EYS: variants seen among roughly 807,000 people sequenced by gnomAD.
EYS encodes the protein EGF-like photoreceptor maintenance factor.
Under a neutral mutation model 282.1 loss-of-function variants are expected in EYS, and 250 were observed. The ratio of observed to expected loss-of-function variants is 0.89; its 90% CI spans 0.80 to 0.98. The LOEUF (loss-of-function observed/expected upper bound fraction) is 0.98, where lower values mean the gene tolerates loss of function less well. Ranked by LOEUF, EYS falls within the 50% of genes least tolerant of loss-of-function variation. The probability of loss-of-function intolerance (pLI) is 0.00; values close to 1 mark genes in which losing one functional copy is unlikely to be tolerated. For missense variants in EYS, 4,016 were observed against 3,709.0 expected (o/e 1.08, Z -2.15); for synonymous variants, 1,355 against 1,282.9 (o/e 1.06, Z -1.20).
At chr6:64,705,968 T>A (rs954191925) in intron 22 of EYS, among the ~76,000 whole-genome samples, 5 of 150,960 alleles carry the variant, frequency 3.3e-5, no homozygotes, top group African/African-American at 4.9e-5. Flanking sequence ...ACATGTACCC[T>A]AAAACTTTAA....
chr6:64,500,449 A>T (rs1311912306), intron 26 of EYS, among the ~76,000 whole-genome samples: 1 of 152,154 alleles, frequency 6.6e-6, no homozygotes, highest in Non-Finnish European at 1.5e-5. Flanking sequence ...AGCTGCATTT[A>T]AGCTGACATT....
intron 22 of EYS, among the ~76,000 whole-genome samples, chr6:64,657,252 G>A (rs1413387381): frequency 2.0e-5 from 3 of 152,040 alleles, no homozygotes; most frequent in Non-Finnish European, 4.4e-5. Context: ...GTGTGTCTCT[G>A]CACATGAGAT....
chr6:64,177,163 T>C (rs1764661757), intron 31 of EYS, among the ~76,000 whole-genome samples: 1 of 151,632 alleles, frequency 6.6e-6, no homozygotes, highest in South Asian at 2.1e-4. Flanking sequence ...TCAAAGTTAC[T>C]CTATAACAAC....
intron 2 of EYS, among the ~76,000 whole-genome samples, chr6:65,606,483 T>C (rs1374828966): frequency 6.6e-6 from 1 of 151,880 alleles, no homozygotes; most frequent in African/African-American, 2.4e-5. Flanking sequence ...ATTTAGATTA[T>C]ATCATCATTC....
chr6:64,682,705 A>G (rs1169050777), intron 22 of EYS, among the ~76,000 whole-genome samples: 1 of 152,168 alleles, frequency 6.6e-6, no homozygotes, highest in Non-Finnish European at 1.5e-5. Flanking sequence ...ACAGTCTGTG[A>G]AGTCTTAGGA....
intron 2 of EYS, among the ~76,000 whole-genome samples, chr6:65,626,112 C>A (rs932862895): frequency 3.9e-5 from 6 of 152,090 alleles, no homozygotes; most frequent in Non-Finnish European, 5.9e-5. Flanking sequence ...CTAAGAGGTT[C>A]CACAAATATC....
chr6:64,196,059 G>C (rs1270386328), intron 31 of EYS, among the ~76,000 whole-genome samples: 43 of 151,804 alleles, frequency 2.8e-4, no homozygotes, highest in East Asian at 7.7e-4. Context: ...AAAAAACAAA[G>C]AACCCCATCA....
At chr6:64,863,745 T>G (rs1368271446) in intron 19 of EYS, among the ~76,000 whole-genome samples, 1 of 152,208 alleles carries the variant, frequency 6.6e-6, no homozygotes, top group African/African-American at 2.4e-5. Context: ...GCCATTTATC[T>G]CATAGTTTTC....
intron 5 of EYS, among the ~76,000 whole-genome samples, chr6:65,426,602 T>C (rs1767674049): frequency 6.6e-6 from 1 of 152,078 alleles, no homozygotes; most frequent in Non-Finnish European, 1.5e-5. Flanking sequence ...CTTTTTAAAT[T>C]GCCCTGTTCT....
intron 22 of EYS, among the ~76,000 whole-genome samples, chr6:64,785,976 T>C (rs1224714368): frequency 6.6e-6 from 1 of 152,168 alleles, no homozygotes. Flanking sequence ...AGAATTCCTG[T>C]TGTGTGTATC....
intron 12 of EYS, among the ~76,000 whole-genome samples, chr6:65,263,448 T>A (rs1325219256): frequency 6.6e-6 from 1 of 152,064 alleles, no homozygotes; most frequent in Non-Finnish European, 1.5e-5. Context: ...AGTAATATGA[T>A]AAAGTGTTAT....
intron 12 of EYS, among the ~76,000 whole-genome samples, chr6:65,061,649 C>G (rs892467208): frequency 6.6e-6 from 1 of 151,852 alleles, no homozygotes; most frequent in African/African-American, 2.4e-5. Context: ...CTAACACACA[C>G]ACATACACAC....
chr6:64,220,216 A>G (rs1456364044), intron 31 of EYS, among the ~76,000 whole-genome samples: 1 of 152,096 alleles, frequency 6.6e-6, no homozygotes, highest in East Asian at 1.9e-4. Context: ...TTGAGATAAC[A>G]ATTTTTGGCA....
intron 41 of EYS, among the ~76,000 whole-genome samples, chr6:63,758,524 T>A (rs1185639401): frequency 6.6e-6 from 1 of 152,044 alleles, no homozygotes; most frequent in Non-Finnish European, 1.5e-5. Flanking sequence ...GGAGGCCTCT[T>A]TATTTTATTG....
chr6:65,094,913 A>G (rs1774694819), intron 12 of EYS, among the ~76,000 whole-genome samples: 1 of 151,378 alleles, frequency 6.6e-6, no homozygotes, highest in Non-Finnish European at 1.5e-5. Context: ...TCAACAAAGT[A>G]AAGAGTTGGT....
chr6:63,891,886 CA>C (rs1773417928), intron 35 of EYS, among the ~76,000 whole-genome samples: 1 of 152,188 alleles, frequency 6.6e-6, no homozygotes, highest in South Asian at 2.1e-4. Context: ...AGCAAAATCT[CA>C]GGATACAAAA....
At chr6:65,401,216 T>G (rs1436086337) in intron 7 of EYS, among the ~76,000 whole-genome samples, 2 of 151,790 alleles carry the variant, frequency 1.3e-5, no homozygotes, top group Admixed American at 6.6e-5. Context: ...TATTATTATA[T>G]TCACTGATAT....
intron 2 of EYS, among the ~76,000 whole-genome samples, chr6:65,502,520 C>T (rs73743921): frequency 0.027 from 4,041 of 151,680 alleles, 121 homozygotes; most frequent in African/African-American, 0.072. Flanking sequence ...ACACATTTGT[C>T]ACAATTAATG....
chr6:65,180,459 G>C (rs1473027798), intron 12 of EYS, among the ~76,000 whole-genome samples: 1 of 151,998 alleles, frequency 6.6e-6, no homozygotes, highest in Non-Finnish European at 1.5e-5. Context: ...ATTCACAATT[G>C]CTTCAAAGAG....
Sources: allele counts gnomAD v4.1 joint callset (sites outside exome capture counted in the v4.1 genomes callset), GRCh38; gene constraint gnomAD v4.1.1; transcripts MANE v1.5; gene names NCBI Gene and HGNC (gene_info 2026-07-23, HGNC 2026-07-21).